The following CCDC171 variants were observed in gnomAD, a reference collection of about 807,000 sequenced individuals.
CCDC171 encodes the protein coiled-coil domain containing 171, also known as coiled-coil domain-containing protein 171.
CCDC171 carries 177 observed loss-of-function variants against 168.2 expected under a neutral mutation model. The observed-to-expected ratio is 1.05, with a 90% CI of 0.93 to 1.19. The LOEUF is 1.19. CCDC171 is among the 50% of genes most tolerant of loss of function. The pLI, the probability that CCDC171 is intolerant of heterozygous loss-of-function variation, is 0.00. For synonymous variants in CCDC171, 687 were observed against 540.8 expected, an observed-to-expected ratio of 1.27 and a Z score of -3.75; for missense variants, 1,991 against 1,539.0, an observed-to-expected ratio of 1.29 and a Z score of -4.91.
At chr9:15,703,568 A>G (rs1376597528) in intron 11 of CCDC171, among the ~76,000 whole-genome samples, 1 of 152,160 alleles carries the variant, frequency 6.6e-6, no homozygotes, top group African/African-American at 2.4e-5. Flanking sequence ...AGTTTCATCC[A>G]TGTTGCCACA....
chr9:16,016,169 T>G (rs1833008940), intron 3 of CCDC171, among the ~76,000 whole-genome samples: 1 of 152,180 alleles, frequency 6.6e-6, no homozygotes, highest in African/African-American at 2.4e-5. Context: ...TGTGTTTAGC[T>G]TTTTGAGGAA....
chr9:15,947,337 A>G (rs1828526690), intron 25 of CCDC171, among the ~76,000 whole-genome samples: 1 of 151,982 alleles, frequency 6.6e-6, no homozygotes, highest in Non-Finnish European at 1.5e-5. Context: ...TTGTATACCC[A>G]TTAAACAGTA....
rs753087135 is a variant in CCDC171 at position 15,579,023 on chromosome 9, G to A, written c.352G>A (p.Ala118Thr). The change falls in exon 4 of 26, where the codon GCA becomes ACA. Residue 118 changes from alanine (A) to threonine (T), a missense_variant and splice_region_variant. Coordinates refer to ENST00000380701, the MANE Select transcript of CCDC171 (RefSeq NM_173550.4). ...ACATAGGATCCAAGAAAAACTCTGT[G>A]GTAAGACTGTTTCTATTTCTTCCCA... The part of the protein sequence containing the change: ...EAHRIQEKLC[A>T]QNSELQAKTN... The A allele has an allele frequency of 5.0e-6, 8 of 1,612,122 alleles. No homozygotes were observed. Among genetic ancestry groups the A allele is most frequent in the South Asian group, 1.1e-5 (1 of 90,902 alleles).
At chr9:15,650,103 C>A (rs543589511) in intron 7 of CCDC171, among the ~76,000 whole-genome samples, 3 of 152,248 alleles carry the variant, frequency 2.0e-5, no homozygotes, top group African/African-American at 7.2e-5. Flanking sequence ...TTTGTAGGGA[C>A]ATGGATGAAG....
At chr9:15,667,272 T>C (rs1055782498) in intron 9 of CCDC171, among the ~76,000 whole-genome samples, 2 of 152,172 alleles carry the variant, frequency 1.3e-5, no homozygotes, top group Non-Finnish European at 2.9e-5. Flanking sequence ...ATATTAGAAT[T>C]ATATTTTAAT....
At chr9:16,088,326 C>A in the CCDC171 span, among the ~76,000 whole-genome samples, 1 of 152,082 alleles carries the variant, frequency 6.6e-6, no homozygotes, top group African/African-American at 2.4e-5. Flanking sequence ...ACAAGGATGC[C>A]CTCTCACCAC....
chr9:15,876,585 C>A (rs2131269892), intron 24 of CCDC171, among the ~76,000 whole-genome samples: 1 of 152,126 alleles, frequency 6.6e-6, no homozygotes, highest in Middle Eastern at 3.4e-3. Flanking sequence ...AAAATGTAGA[C>A]ACATATGTTA....
chr9:15,724,495 G>A (rs1209162591), intron 13 of CCDC171, among the ~76,000 whole-genome samples: 1 of 152,078 alleles, frequency 6.6e-6, no homozygotes. Flanking sequence ...AAAAAAATAG[G>A]TTGAAAGGAA....
intron 24 of CCDC171, among the ~76,000 whole-genome samples, chr9:15,889,438 A>T (rs1274405299): frequency 2.6e-5 from 4 of 152,088 alleles, no homozygotes; most frequent in Non-Finnish European, 1.5e-5. Flanking sequence ...AGTCTGTGGG[A>T]TGGTATATTT....
chr9:15,773,051 A>G (rs1194307684), intron 18 of CCDC171, among the ~76,000 whole-genome samples: 1 of 152,112 alleles, frequency 6.6e-6, no homozygotes, highest in East Asian at 1.9e-4. Flanking sequence ...TATACTCATT[A>G]CTAACATTAT....
At chr9:15,561,510 A>T (rs1177901969) in intron 1 of CCDC171, among the ~76,000 whole-genome samples, 1 of 152,190 alleles carries the variant, frequency 6.6e-6, no homozygotes, top group Non-Finnish European at 1.5e-5. Context: ...CTAGAAATAA[A>T]TACTCTTTAA....
In CCDC171 at chr9:15,578,991, C is replaced by T. The variant is rs1185985922; in HGVS notation, c.320C>T (p.Ala107Val). 1 of 1,613,830 alleles carries T rather than the reference C, an allele frequency of 6.2e-7. No homozygotes were observed. The highest frequency in any genetic ancestry group is 1.7e-5 in the Admixed American group (1 of 59,984). Residue 107 changes from alanine (A) to valine (V), a missense_variant, in exon 4 of 26, where the codon GCC becomes GTC. Physicochemically the swap from Ala to Val is moderately conservative, Grantham distance 64. Coordinates refer to ENST00000380701, the MANE Select transcript of CCDC171 (RefSeq NM_173550.4). ...AGACGGGCTGCTGAAGAAAGATTAG[C>T]CGAGGCACATAGGATCCAAGAAAAA... is the stretch of plus-strand genomic sequence containing the variant. Reference protein sequence around the residue: ...LGRRAAEERLAEAHRIQEKLC... With the variant: ...LGRRAAEERLVEAHRIQEKLC...
intron 8 of CCDC171, among the ~76,000 whole-genome samples, chr9:15,658,102 C>T (rs576438514): frequency 2.7e-4 from 41 of 152,300 alleles, no homozygotes; most frequent in African/African-American, 9.9e-4. Flanking sequence ...CTGTTCTGAA[C>T]AACTGCTTGG....
intron 6 of CCDC171, among the ~76,000 whole-genome samples, chr9:15,605,172 C>T (rs1007275587): frequency 7.9e-5 from 12 of 152,190 alleles, no homozygotes; most frequent in African/African-American, 2.9e-4. Context: ...ATTGAGATTA[C>T]AGGAGTGAGC....
chr9:15,748,654 T>G (rs982602558), intron 18 of CCDC171, among the ~76,000 whole-genome samples: 2 of 151,726 alleles, frequency 1.3e-5, no homozygotes, highest in Non-Finnish European at 2.9e-5. Context: ...CAGAAGAGAG[T>G]GGGGGGCCAA....
chr9:15,685,666 C>T (rs2050343971), intron 10 of CCDC171, among the ~76,000 whole-genome samples: 1 of 151,706 alleles, frequency 6.6e-6, no homozygotes, highest in African/African-American at 2.4e-5. Context: ...CACAATCCAG[C>T]ATTTAAAAAA....
chr9:15,642,341 G>GTGTGTA (rs1554726445), intron 7 of CCDC171, among the ~76,000 whole-genome samples: 4 of 40,962 alleles, frequency 9.8e-5, no homozygotes, highest in Admixed American at 7.3e-4. Context: ...ACGTGTGTGT[G>GTGTGTA]TGTATATATA....
chr9:15,841,079 A>C (rs2060660228), intron 21 of CCDC171, among the ~76,000 whole-genome samples: 1 of 152,072 alleles, frequency 6.6e-6, no homozygotes, highest in African/African-American at 2.4e-5. Context: ...ATTATACAAC[A>C]AAATCTTACA....
At chr9:15,940,457 A>C (rs1220035550) in intron 25 of CCDC171, among the ~76,000 whole-genome samples, 1 of 151,920 alleles carries the variant, frequency 6.6e-6, no homozygotes, top group Non-Finnish European at 1.5e-5. Flanking sequence ...ATACACAATA[A>C]TTTCTTAATG....
Sources: gnomAD v4.1 joint callset for allele counts (sites outside exome capture counted in the v4.1 genomes callset) on GRCh38, gnomAD v4.1.1 for gene constraint, MANE v1.5 for transcripts, NCBI Gene and HGNC (gene_info 2026-07-23, HGNC 2026-07-21) for gene names.